Variants in CATSPERE observed in about 807,000 individuals in gnomAD.
CATSPERE encodes the protein cation channel sperm-associated auxiliary subunit epsilon.
Under a neutral mutation model 114.1 loss-of-function variants are expected in CATSPERE, and 93 were observed. That is an observed-to-expected ratio of 0.81 (90% CI 0.69 to 0.97). The LOEUF (loss-of-function observed/expected upper bound fraction) is 0.97, where lower values mean the gene tolerates loss of function less well. CATSPERE is among the 50% of genes least tolerant of loss of function. The probability of loss-of-function intolerance (pLI) is 0.00; values close to 1 mark genes in which losing one functional copy is unlikely to be tolerated. For synonymous variants in CATSPERE, 341 were observed against 384.1 expected, an observed-to-expected ratio of 0.89 and a Z score of 1.31; for missense variants, 1,058 against 1,131.6, an observed-to-expected ratio of 0.93 and a Z score of 0.93.
chr1:244,632,847 T>C (rs1006045718), intron 20 of CATSPERE, among the ~76,000 whole-genome samples: 8 of 152,200 alleles, frequency 5.3e-5, no homozygotes, highest in Non-Finnish European at 1.2e-4. Flanking sequence ...GAACGGAGAT[T>C]GTCACATTGG....
At position 244,518,644 on chromosome 1, in the gene CATSPERE, T is replaced by C. The variant is rs1416705295; in HGVS notation, c.482T>C (p.Ile161Thr). ...QMATLGQKPV[I>T]HTVLKRKVYS... ...GCCACATTGGGACAGAAGCCTGTCA[T>C]ACATACAGTTCTGAAGAGAAAAGTT... Residue 161 changes from isoleucine (I) to threonine (T), a missense_variant, in exon 8 of 22, where the codon ATA (isoleucine) becomes ACA (threonine). By Grantham distance (89) the Ile-to-Thr change is moderately conservative. This residue lies in a region of CATSPERE where 271 missense variants were observed against 225.9 expected (regional missense o/e 1.20). Transcript: ENST00000366534. 6.2e-7 allele frequency: 1 copy of C among 1,602,440 alleles called. No homozygotes were observed. The highest frequency in any genetic ancestry group is 1.7e-5 in the Admixed American group (1 of 59,398).
intron 17 of CATSPERE, among the ~76,000 whole-genome samples, chr1:244,601,646 GAA>G (rs1444807181): frequency 6.6e-6 from 1 of 152,112 alleles, no homozygotes; most frequent in Non-Finnish European, 1.5e-5. Flanking sequence ...AGGCAAGAGA[GAA>G]ATGCTGTGTG....
At position 244,607,471 on chromosome 1, in the gene CATSPERE, A is replaced by G. The variant is rs1670153839; in HGVS notation, c.2403+1677A>G. ...ATTCCTGAATTCTGCCATCCATCCTATGAGGGTATTGCTGGGAAAGTTTCT... is the reference window on the plus strand; with the variant it reads ...ATTCCTGAATTCTGCCATCCATCCTGTGAGGGTATTGCTGGGAAAGTTTCT... On this transcript the variant is annotated intron_variant, in intron 18 of 21. Coordinates refer to ENST00000366534, the MANE Select transcript of CATSPERE (RefSeq NM_001130957.2). The surrounding 1 kb of genome is among the most constrained non-coding windows in gnomAD (Gnocchi z 4.4). 6.6e-6 allele frequency among the ~76,000 whole-genome samples: 1 copy of G among 152,066 alleles called. No individual in the cohort carries two copies. The highest frequency in any genetic ancestry group is 6.5e-5 in the Admixed American group (1 of 15,270).
chr1:244,599,394 A>G (rs530947178), intron 17 of CATSPERE, among the ~76,000 whole-genome samples: 7 of 152,288 alleles, frequency 4.6e-5, no homozygotes, highest in African/African-American at 1.4e-4. Context: ...TCATCTGGCC[A>G]AAACTTTGGA....
At chr1:244,534,958 G>A (rs888065473) in intron 8 of CATSPERE, among the ~76,000 whole-genome samples, 10 of 151,702 alleles carry the variant, frequency 6.6e-5, no homozygotes, top group African/African-American at 2.2e-4. Flanking sequence ...TGTGATCTAA[G>A]TTTTTGGTCA....
At position 244,576,067 on chromosome 1, in the gene CATSPERE, C is replaced by T. The variant is rs535824947; in HGVS notation, c.1950+3295C>T. ...GCTTTCTTTCCTTAGTCCTGACCAC[C>T]AAGGAAATACTTTACCGGCTCCTCC... On this transcript the variant is annotated intron_variant, in intron 11 of 21. Transcript: ENST00000366534. Among the ~76,000 whole-genome samples the T allele has an allele frequency of 4.6e-5, 7 of 152,228 alleles. No individual in the cohort carries two copies. In the South Asian group the frequency reaches 1.2e-3, roughly 27 times the overall value.
chr1:244,552,489 G>T lies in CATSPERE; in HGVS notation c.704G>T (p.Arg235Leu). The change falls in exon 9 of 22, where the codon CGT becomes CTT. Residue 235 changes from arginine (R) to leucine (L), a missense_variant. By Grantham distance (102) the Arg-to-Leu change is moderately radical (BLOSUM62 -2). This residue lies in a region of CATSPERE where 787 missense variants were observed against 905.6 expected (regional missense o/e 0.87). Coordinates refer to ENST00000366534, the MANE Select transcript of CATSPERE (RefSeq NM_001130957.2). ...GGTTATTTACCAATCTCCTCACCACGTGGTAGTCAATTAATGGCTTCCTGG... is the reference window on the plus strand; with the variant it reads ...GGTTATTTACCAATCTCCTCACCACTTGGTAGTCAATTAATGGCTTCCTGG... ...IPGYLPISSP[R>L]GSQLMASWDA... 1.2e-6 allele frequency: 2 copies of T among 1,614,134 alleles called. No homozygotes were observed. The highest frequency in any genetic ancestry group is 1.3e-5 in the African/African-American group (1 of 75,028).
intron 8 of CATSPERE, 62 bp downstream of exon 8, chr1:244,518,760 C>A: frequency 2.3e-6 from 2 of 854,882 alleles, no homozygotes; most frequent in South Asian, 3.6e-5. Context: ...ATTTTAAAAT[C>A]CTAGTGGAAC....
intron 7 of CATSPERE, among the ~76,000 whole-genome samples, chr1:244,501,461 A>T (rs1374977565): frequency 6.6e-6 from 1 of 152,230 alleles, no homozygotes; most frequent in Non-Finnish European, 1.5e-5. Context: ...TTAATTTCTC[A>T]TGGGACTGTT....
intron 10 of CATSPERE, among the ~76,000 whole-genome samples, chr1:244,571,310 T>A (rs6699924): frequency 6.6e-6 from 1 of 152,090 alleles, no homozygotes; most frequent in African/African-American, 2.4e-5. Flanking sequence ...CTCCCTGACT[T>A]GATGAATTCC....
At chr1:244,586,599 CA>C (rs915564972) in intron 13 of CATSPERE, among the ~76,000 whole-genome samples, 51 of 152,002 alleles carry the variant, frequency 3.4e-4, no homozygotes, top group African/African-American at 1.2e-3. Flanking sequence ...AAATGAAGAC[CA>C]AAAGGTCTTG....
At chr1:244,490,792 G>C (rs960499614) in intron 6 of CATSPERE, among the ~76,000 whole-genome samples, 6 of 151,390 alleles carry the variant, frequency 4.0e-5, no homozygotes, top group Non-Finnish European at 7.4e-5. Flanking sequence ...TTAAAATATT[G>C]AGCATCCATT....
chr1:244,595,858 A>G (rs558033497), intron 17 of CATSPERE, among the ~76,000 whole-genome samples: 183 of 152,268 alleles, frequency 1.2e-3, no homozygotes, highest in African/African-American at 3.9e-3. Context: ...GCGTGAACCC[A>G]GGAGGCGGAG....
intron 8 of CATSPERE, among the ~76,000 whole-genome samples, chr1:244,550,206 A>G (rs1489296066): frequency 2.0e-5 from 3 of 152,300 alleles, no homozygotes; most frequent in Admixed American, 1.3e-4. Flanking sequence ...ACAGCAAATC[A>G]TGGGACTTCT....
rs542105373 is a variant in CATSPERE at position 244,463,855 on chromosome 1, TA to T, written c.66-52del. 162 of 1,429,852 alleles carry T rather than the reference TA, an allele frequency of 1.1e-4. 1 individual carries two copies. The East Asian group carries it at 3.3e-3, about 29-fold the overall frequency. The allele number at this position is 1,429,852 out of a possible 1,614,324, so 88.6% of individuals were successfully genotyped here. On this transcript the variant is annotated intron_variant, in intron 1 of 21. Transcript: ENST00000366534. ...GCCCTGACCATGTAGAGAATCCTCATATTTGAAGAATAAATTAGTTTTAATA... is the reference window on the plus strand; with the variant it reads ...GCCCTGACCATGTAGAGAATCCTCATTTTGAAGAATAAATTAGTTTTAATA...
intron 20 of CATSPERE, among the ~76,000 whole-genome samples, chr1:244,622,464 C>T (rs890240166): frequency 4.3e-5 from 6 of 140,210 alleles, no homozygotes; most frequent in African/African-American, 1.6e-4. Flanking sequence ...AGTGCAGTGG[C>T]GTGATCTCAG....
chr1:244,561,460 T>G (rs1039774431), intron 10 of CATSPERE, among the ~76,000 whole-genome samples: 1 of 152,180 alleles, frequency 6.6e-6, no homozygotes, highest in African/African-American at 2.4e-5. Context: ...TTACGTTTCC[T>G]GGGGCTCCCG....
intron 5 of CATSPERE, among the ~76,000 whole-genome samples, chr1:244,480,634 T>TAGC (rs55857103): frequency 1.8e-5 from 1 of 55,758 alleles, no homozygotes; most frequent in East Asian, 2.0e-3. Context: ...TAAAGCATGG[T>TAGC]TGTTGCTGAT....
At chr1:244,485,232 A>T (rs573756932) in intron 5 of CATSPERE, among the ~76,000 whole-genome samples, 14 of 150,126 alleles carry the variant, frequency 9.3e-5, no homozygotes, top group African/African-American at 2.9e-4. Context: ...CCCAGGCTGG[A>T]GAAAGGTGGC....
Sources: allele counts gnomAD v4.1 joint callset (sites outside exome capture counted in the v4.1 genomes callset), GRCh38; gene constraint gnomAD v4.1.1; regional missense constraint gnomAD v4.1.1; non-coding constraint Gnocchi (gnomAD v3.1); transcripts MANE v1.5; gene names NCBI Gene and HGNC (gene_info 2026-07-23, HGNC 2026-07-21).